Variants in CARM1 observed in about 807,000 individuals in gnomAD.
CARM1 encodes histone-arginine methyltransferase CARM1.
In CARM1, 14 loss-of-function variants were observed where a neutral mutation model predicts 72.7. The ratio of observed to expected loss-of-function variants is 0.19; its 90% CI spans 0.13 to 0.30. CARM1 has a LOEUF of 0.30. Ranked by LOEUF, CARM1 falls within the 10% of genes least tolerant of loss-of-function variation. The pLI, the probability that CARM1 is intolerant of heterozygous loss-of-function variation, is 1.00. For synonymous variants in CARM1, 333 were observed against 345.5 expected, an observed-to-expected ratio of 0.96 and a Z score of 0.40; for missense variants, 432 against 833.7, an observed-to-expected ratio of 0.52 and a Z score of 5.93.
At chr19:10,893,639 T>C (rs1390587798) in intron 1 of CARM1, among the ~76,000 whole-genome samples, 1 of 152,222 alleles carries the variant, frequency 6.6e-6, no homozygotes, top group Non-Finnish European at 1.5e-5. Flanking sequence ...CCCCCTGTCA[T>C]TGTGCCCATT....
chr19:10,877,199 G>T (rs913059173), intron 1 of CARM1, among the ~76,000 whole-genome samples: 1 of 151,892 alleles, frequency 6.6e-6, no homozygotes, highest in Non-Finnish European at 1.5e-5. Context: ...TGTCAAGCTG[G>T]AGTGACAACA....
In CARM1 at chr19:10,921,840, T is replaced by TA; in HGVS notation, c.*84dup. ...CCCCGCCGGGCGGCTTTCCCCCTTG[T>TA]ACTGGAGAAGCTCGAACACCCGGTC... On this transcript the variant is annotated 3_prime_UTR_variant, in exon 16 of 16. Transcript: ENST00000327064. 7.3e-7 allele frequency: 1 copy of TA among 1,370,624 alleles called. No individual in the cohort carries two copies. Among genetic ancestry groups the TA allele is most frequent in the Non-Finnish European group, 9.9e-7 (1 of 1,005,706 alleles). The allele number at this position is 1,370,624 out of a possible 1,614,324, so 84.9% of individuals were successfully genotyped here. A position where few individuals can be genotyped will look rare whatever the true frequency, so the allele number is the denominator to read the frequency against.
At position 10,887,505 on chromosome 19, in the gene CARM1, C is replaced by T. The variant is rs1037055022; in HGVS notation, c.220+15583C>T. On this transcript the variant is annotated intron_variant, in intron 1 of 15. Transcript: ENST00000327064. ...GGTGGGGCCAGAAGGGCTCCTGGAG[C>T]GCCCTGGGACCTGGCAGAGGGCCTT... is the stretch of plus-strand genomic sequence containing the variant. Among the ~76,000 whole-genome samples, 4 of 152,226 alleles carry T rather than the reference C, an allele frequency of 2.6e-5. No individual in the cohort carries two copies. In the South Asian group the frequency reaches 6.2e-4, roughly 24 times the overall value.
At chr19:10,887,131 G>A (rs752802197) in intron 1 of CARM1, among the ~76,000 whole-genome samples, 4 of 152,342 alleles carry the variant, frequency 2.6e-5, no homozygotes, top group East Asian at 1.9e-4. Context: ...GCCCTGATCC[G>A]TTCACTTGGC....
At chr19:10,905,701 C>T (rs1052438420) in intron 2 of CARM1, among the ~76,000 whole-genome samples, 1 of 152,110 alleles carries the variant, frequency 6.6e-6, no homozygotes, top group Non-Finnish European at 1.5e-5. Flanking sequence ...GCTGCGTGCC[C>T]ATGAGCCACT....
At chr19:10,879,211 G>A (rs567988719) in intron 1 of CARM1, among the ~76,000 whole-genome samples, 2 of 152,328 alleles carry the variant, frequency 1.3e-5, no homozygotes, top group African/African-American at 4.8e-5. Context: ...AAGGGACAAA[G>A]GAGAAAGGGT....
At chr19:10,898,815 C>G (rs761601904) in intron 1 of CARM1, among the ~76,000 whole-genome samples, 1 of 152,084 alleles carries the variant, frequency 6.6e-6, no homozygotes. Flanking sequence ...GCCAGGTGTG[C>G]GATGGCCCAC....
At chr19:10,884,756 G>A (rs1397006013) in intron 1 of CARM1, among the ~76,000 whole-genome samples, 2 of 152,126 alleles carry the variant, frequency 1.3e-5, no homozygotes, top group African/African-American at 2.4e-5. Flanking sequence ...CCAGGCTGGA[G>A]TGCAGTAGCG....
Position 10,896,382 on chromosome 19 carries a change from T to C in CARM1, c.221-8569T>C, listed in dbSNP as rs1308710937. On this transcript the variant is annotated intron_variant, in intron 1 of 15. Transcript: ENST00000327064. The surrounding 1 kb of genome is among the most constrained non-coding windows in gnomAD (Gnocchi z 5.2). ...AATAAGGAGGGGATGTGCAGCATGC[T>C]GACTCTAAGGCAGGTGGGGAACAGC... 1.3e-5 allele frequency among the ~76,000 whole-genome samples: 2 copies of C among 152,090 alleles called. No individual in the cohort carries two copies. The highest frequency in any genetic ancestry group is 2.4e-5 in the African/African-American group (1 of 41,396).
At chr19:10,875,144 T>G (rs2073853253) in intron 1 of CARM1, among the ~76,000 whole-genome samples, 2 of 152,268 alleles carry the variant, frequency 1.3e-5, no homozygotes, top group Middle Eastern at 3.4e-3. Context: ...AGGAATGGAT[T>G]CTCTCTCAGT....
chr19:10,916,589 C>A lies in CARM1; in HGVS notation c.938+92C>A. ...CCAGAGAGCCTGCACTCCTCTTTTTCTGAAAGACTTGGGCTAGATGAGGGC... is the reference window on the plus strand; with the variant it reads ...CCAGAGAGCCTGCACTCCTCTTTTTATGAAAGACTTGGGCTAGATGAGGGC... On this transcript the variant is annotated intron_variant, in intron 7 of 15. Transcript: ENST00000327064. The surrounding 1 kb of genome is among the most constrained non-coding windows in gnomAD (Gnocchi z 4.4). The A allele has an allele frequency of 7.1e-7, 1 of 1,403,262 alleles. No homozygotes were observed. The allele number at this position is 1,403,262 out of a possible 1,614,324, so 86.9% of individuals were successfully genotyped here. A position where few individuals can be genotyped will look rare whatever the true frequency, so the allele number is the denominator to read the frequency against.
chr19:10,921,812 CG>C lies in CARM1; in HGVS notation c.*56del. 1 of 1,522,014 alleles carries C rather than the reference CG, an allele frequency of 6.6e-7. No individual in the cohort carries two copies. The highest frequency in any genetic ancestry group is 8.9e-7 in the Non-Finnish European group (1 of 1,128,672). The allele number at this position is 1,522,014 out of a possible 1,614,324, so 94.3% of individuals were successfully genotyped here. On this transcript the variant is annotated 3_prime_UTR_variant, in exon 16 of 16. Coordinates refer to ENST00000327064, the MANE Select transcript of CARM1 (RefSeq NM_199141.2). The stretch of plus-strand genomic sequence containing the variant: ...GAAACCAAATGATGTCCCTGCCCGC[CG>C]CCCCCGCCGGGCGGCTTTCCCCCTT...
intron 1 of CARM1, among the ~76,000 whole-genome samples, chr19:10,898,278 G>A (rs1196515806): frequency 6.6e-6 from 1 of 152,208 alleles, no homozygotes; most frequent in East Asian, 1.9e-4. Context: ...CTGCACTCCA[G>A]TCTAGGCGAC....
rs1471433822 is a variant in CARM1, at chr19:10,921,913, G to A, written c.*156G>A. 1.4e-6 allele frequency: 1 copy of A among 705,764 alleles called. No individual in the cohort carries two copies. The highest frequency in any genetic ancestry group is 2.0e-5 in the South Asian group (1 of 51,012). The allele number at this position is 705,764 out of a possible 1,614,324, so 43.7% of individuals were successfully genotyped here. A position where few individuals can be genotyped will look rare whatever the true frequency, so the allele number is the denominator to read the frequency against. On this transcript the variant is annotated 3_prime_UTR_variant, in exon 16 of 16. Transcript: ENST00000327064. ...CTGGGACACTTTTTTACACGATGTT[G>A]CCGCCGTCCCCACCCTAACCCCCAC... is the stretch of plus-strand genomic sequence containing the variant.
chr19:10,888,205 C>T (rs1370219160), intron 1 of CARM1, among the ~76,000 whole-genome samples: 1 of 152,212 alleles, frequency 6.6e-6, no homozygotes, highest in Admixed American at 6.5e-5. Flanking sequence ...GCTTGATTGC[C>T]TCCTTGTAGT....
rs2073815912 is a variant in CARM1, at chr19:10,871,619, G to GGCGGCGGCGGCGGCGGCA, written c.-67_-66insAGCGGCGGCGGCGGCGGC. ...CGGCGGCGGCGGCGGCGGCGGCGGC[G>GGCGGCGGCGGCGGCGGCA]GCGGCGGCGGCGGCGGCGGCAGCGG... On this transcript the variant is annotated 5_prime_UTR_variant, in exon 1 of 16. Coordinates refer to ENST00000327064, the MANE Select transcript of CARM1 (RefSeq NM_199141.2). The surrounding 1 kb of genome is among the most constrained non-coding windows in gnomAD (Gnocchi z 5.6). 1 of 138,896 alleles carries GGCGGCGGCGGCGGCGGCA rather than the reference G, an allele frequency of 7.2e-6. No individual in the cohort carries two copies. The highest frequency in any genetic ancestry group is 1.3e-5 in the Non-Finnish European group (1 of 76,674). The allele number at this position is 138,896 out of a possible 1,614,324, so 8.6% of individuals were successfully genotyped here.
Position 10,920,590 on chromosome 19 carries a change from G to A in CARM1, c.1334+17G>A, listed in dbSNP as rs1439341726. ...CAACAAAAGGTGCGACTGCTCCCTG[G>A]GGCTGGTGGTGGTGGGCAGGGGTCC... On this transcript the variant is annotated intron_variant, in intron 11 of 15. Coordinates refer to ENST00000327064, the MANE Select transcript of CARM1 (RefSeq NM_199141.2). The surrounding 1 kb of genome is among the most constrained non-coding windows in gnomAD (Gnocchi z 5.3). 6.2e-7 allele frequency: 1 copy of A among 1,613,896 alleles called. No homozygotes were observed. Among genetic ancestry groups the A allele is most frequent in the Non-Finnish European group, 8.5e-7 (1 of 1,179,842 alleles).
At chr19:10,905,936 C>T (rs943593265) in intron 2 of CARM1, among the ~76,000 whole-genome samples, 7 of 145,468 alleles carry the variant, frequency 4.8e-5, no homozygotes, top group Admixed American at 2.8e-4. Flanking sequence ...CCACCGTGCC[C>T]GGCCCCTTTT....
Position 10,874,323 on chromosome 19 carries a change from C to A in CARM1, c.220+2401C>A, listed in dbSNP as rs931112425. ...AGTCCCAGATTCCCAGATGATATAT[C>A]CTTAGGGTTCTGAAATAATTTTTTT... On this transcript the variant is annotated intron_variant, in intron 1 of 15. Coordinates refer to ENST00000327064, the MANE Select transcript of CARM1 (RefSeq NM_199141.2). 4.8e-4 allele frequency among the ~76,000 whole-genome samples: 73 copies of A among 151,862 alleles called. 1 individual carries two copies. Among genetic ancestry groups the A allele is most frequent in the African/African-American group, 1.7e-3 (72 of 41,340 alleles).
Sources: allele counts gnomAD v4.1 joint callset (sites outside exome capture counted in the v4.1 genomes callset), GRCh38; gene constraint gnomAD v4.1.1; non-coding constraint Gnocchi (gnomAD v3.1); transcripts MANE v1.5; gene names NCBI Gene and HGNC (gene_info 2026-07-23, HGNC 2026-07-21).